Variants in SLC4A4 observed in about 807,000 individuals in gnomAD.
The protein encoded by SLC4A4 is electrogenic sodium bicarbonate cotransporter 1.
In SLC4A4, 27 loss-of-function variants were observed where a neutral mutation model predicts 111.5. That is an observed-to-expected ratio of 0.24 (90% CI 0.18 to 0.33). SLC4A4 has a LOEUF of 0.33. SLC4A4 is among the 10% of genes least tolerant of loss of function. The pLI is 1.00. For synonymous variants in SLC4A4, 443 were observed against 463.4 expected (o/e 0.96, Z 0.57); for missense variants, 909 against 1,315.5 (o/e 0.69, Z 4.78).
chr4:71,109,895 C>G (rs1036928999), intron 2 of SLC4A4, among the ~76,000 whole-genome samples: 1 of 152,128 alleles, frequency 6.6e-6, no homozygotes, highest in East Asian at 1.9e-4. Context: ...AAAAATCTAG[C>G]CTTGCTCCCA....
intron 6 of SLC4A4, among the ~76,000 whole-genome samples, chr4:71,378,398 AG>A (rs1286983986): frequency 6.6e-6 from 1 of 152,180 alleles, no homozygotes; most frequent in Non-Finnish European, 1.5e-5. Flanking sequence ...ATGGAGGATG[AG>A]GGCTTTTCAC....
At chr4:71,344,458 C>A (rs1426680133) in intron 4 of SLC4A4, among the ~76,000 whole-genome samples, 1 of 152,094 alleles carries the variant, frequency 6.6e-6, no homozygotes, top group Non-Finnish European at 1.5e-5. Flanking sequence ...CTCAGACCTA[C>A]CAGACTAATA....
At chr4:71,165,349 T>C (rs1401391892) in intron 2 of SLC4A4, among the ~76,000 whole-genome samples, 7 of 152,208 alleles carry the variant, frequency 4.6e-5, no homozygotes, top group African/African-American at 1.7e-4. Flanking sequence ...GTGGCACATA[T>C]ACACCATGTA....
intron 3 of SLC4A4, among the ~76,000 whole-genome samples, chr4:71,330,805 G>T (rs1289873606): frequency 1.3e-5 from 2 of 151,946 alleles, no homozygotes; most frequent in African/African-American, 4.8e-5. Context: ...GCAACCTACA[G>T]AATGGGAGAA....
intron 13 of SLC4A4, among the ~76,000 whole-genome samples, chr4:71,468,936 A>G (rs1281475429): frequency 1.3e-5 from 2 of 152,016 alleles, no homozygotes; most frequent in Non-Finnish European, 2.9e-5. Flanking sequence ...CTTGCTTTGT[A>G]GGTTCACTGG....
intron 2 of SLC4A4, among the ~76,000 whole-genome samples, chr4:71,121,531 A>G (rs1288842337): frequency 6.6e-6 from 1 of 152,188 alleles, no homozygotes; most frequent in African/African-American, 2.4e-5. Context: ...TTGTGAAGGC[A>G]CCAATCAGCA....
At chr4:71,398,307 T>C (rs1184934282) in intron 7 of SLC4A4, among the ~76,000 whole-genome samples, 1 of 145,014 alleles carries the variant, frequency 6.9e-6, no homozygotes, top group Non-Finnish European at 1.5e-5. Context: ...AAAAAAGAAA[T>C]GCTAAGAAAT....
At chr4:71,141,312 G>A (rs948090948) in intron 2 of SLC4A4, among the ~76,000 whole-genome samples, 8 of 152,168 alleles carry the variant, frequency 5.3e-5, no homozygotes, top group African/African-American at 7.2e-5. Context: ...TGACCTGCTT[G>A]CTTAAAACCC....
chr4:71,537,918 C>G lies in SLC4A4; in HGVS notation c.2442+3530C>G, dbSNP rs1734702841. Among the ~76,000 whole-genome samples, 4 of 152,186 alleles carry G rather than the reference C, an allele frequency of 2.6e-5. No individual in the cohort carries two copies. The South Asian group carries it at 8.3e-4, about 32-fold the overall frequency. ...TCCCAGGCTCCAGGGCTTACTAACT[C>G]CAAGGATTTGCTTCTTCGCGTGGCT... On this transcript the variant is annotated intron_variant, in intron 18 of 25. Transcript: ENST00000264485.
intron 2 of SLC4A4, among the ~76,000 whole-genome samples, chr4:71,123,106 T>A (rs1312722015): frequency 6.6e-6 from 1 of 152,060 alleles, no homozygotes; most frequent in Non-Finnish European, 1.5e-5. Context: ...GATGGTATAA[T>A]GAAAAGTTTT....
chr4:71,286,745 A>G (rs1723948037), intron 3 of SLC4A4, among the ~76,000 whole-genome samples: 1 of 152,208 alleles, frequency 6.6e-6, no homozygotes, highest in Non-Finnish European at 1.5e-5. Context: ...AGAAACTTTA[A>G]GGTTACAAGT....
chr4:71,236,485 T>G, intron 1 of SLC4A4, 91 bp from the exon 2 acceptor site: 1 of 1,152,656 alleles, frequency 8.7e-7, no homozygotes, highest in Non-Finnish European at 1.3e-6. Context: ...AACAACAGCT[T>G]GCAGGTTAAC....
chr4:71,398,284 CAAAAAA>C (rs34473877), intron 7 of SLC4A4, among the ~76,000 whole-genome samples: 2 of 78,432 alleles, frequency 2.5e-5, no homozygotes, highest in South Asian at 3.5e-4. Context: ...GACTTTGTCT[CAAAAAA>C]AAAAAAAAAA....
At chr4:71,293,610 C>T (rs908921062) in intron 3 of SLC4A4, among the ~76,000 whole-genome samples, 2 of 151,528 alleles carry the variant, frequency 1.3e-5, no homozygotes, top group African/African-American at 4.9e-5. Flanking sequence ...CAATTAATGA[C>T]ACCTTAACAA....
At chr4:71,090,197 G>T (rs7687826) in intron 1 of SLC4A4, among the ~76,000 whole-genome samples, 18,206 of 152,168 alleles carry the variant, frequency 0.12, 1,603 homozygotes, top group African/African-American at 0.23. Context: ...CTCTGGGCCA[G>T]GTGTGGGATA....
At chr4:71,299,780 A>T (rs2148837839) in intron 3 of SLC4A4, among the ~76,000 whole-genome samples, 1 of 152,142 alleles carries the variant, frequency 6.6e-6, no homozygotes, top group Non-Finnish European at 1.5e-5. Context: ...CCTGCATGAG[A>T]GTGGGAGGTT....
intron 3 of SLC4A4, among the ~76,000 whole-genome samples, chr4:71,261,887 T>G (rs1436949889): frequency 6.6e-6 from 1 of 152,200 alleles, no homozygotes; most frequent in Non-Finnish European, 1.5e-5. Context: ...AGGGTTCTAG[T>G]GTACTCCACG....
intron 2 of SLC4A4, among the ~76,000 whole-genome samples, chr4:71,242,663 C>T (rs567982932): frequency 1.3e-5 from 2 of 151,286 alleles, no homozygotes; most frequent in South Asian, 4.2e-4. Flanking sequence ...CAATAATTTT[C>T]TTTGGTTATT....
intron 3 of SLC4A4, among the ~76,000 whole-genome samples, chr4:71,311,907 G>GAGAGAGAA (rs1726213617): frequency 6.6e-6 from 1 of 150,930 alleles, no homozygotes; most frequent in Non-Finnish European, 1.5e-5. Context: ...GAGAGAGAGA[G>GAGAGAGAA]AGAGAGAGAG....
Sources: allele counts gnomAD v4.1 joint callset (sites outside exome capture counted in the v4.1 genomes callset), GRCh38; gene constraint gnomAD v4.1.1; transcripts MANE v1.5; gene names NCBI Gene and HGNC (gene_info 2026-07-23, HGNC 2026-07-21).